The following KLHL6 variants were observed in gnomAD, a reference collection of about 807,000 sequenced individuals.
KLHL6 encodes the protein kelch like family member 6.
In KLHL6, 41 loss-of-function variants were observed where a neutral mutation model predicts 58.6. The ratio of observed to expected loss-of-function variants is 0.70; its 90% CI spans 0.55 to 0.91. KLHL6 has a LOEUF of 0.91. Among genes scored for constraint, KLHL6 ranks in the 40% least tolerant of loss-of-function variants. The probability of loss-of-function intolerance (pLI) is 0.00; values close to 1 mark genes in which losing one functional copy is unlikely to be tolerated. For synonymous variants in KLHL6, 338 were observed against 322.7 expected (o/e 1.05, Z -0.51); for missense variants, 714 against 805.6 (o/e 0.89, Z 1.38).
chr3:183,546,137 A>G (rs531144416), intron 1 of KLHL6, among the ~76,000 whole-genome samples: 1 of 152,210 alleles, frequency 6.6e-6, no homozygotes, highest in Non-Finnish European at 1.5e-5. Flanking sequence ...CTACAAGTGT[A>G]TCCAGGGCTC....
At chr3:183,523,564 C>T (rs921758945) in intron 2 of KLHL6, among the ~76,000 whole-genome samples, 7 of 152,164 alleles carry the variant, frequency 4.6e-5, no homozygotes, top group Non-Finnish European at 8.8e-5. Flanking sequence ...TGTTATGTAC[C>T]GTAGGGATCC....
rs538043148 is a variant in KLHL6, at chr3:183,518,633, G to C, written c.459+9212C>G. 1.3e-3 allele frequency among the ~76,000 whole-genome samples: 199 copies of C among 152,278 alleles called. 3 individuals carry two copies. Among genetic ancestry groups the C allele is most frequent in the African/African-American group, 4.6e-3 (191 of 41,548 alleles). ...TACTCAGGGAAGGGGTGATAGAGCA[G>C]GCAAAAGAAGATAATTCTTGGCTTT... On this transcript the variant is annotated intron_variant, in intron 2 of 6. Transcript: ENST00000341319.
chr3:183,496,584 C>T (rs1292636787), intron 4 of KLHL6, among the ~76,000 whole-genome samples: 1 of 152,116 alleles, frequency 6.6e-6, no homozygotes, highest in Non-Finnish European at 1.5e-5. Flanking sequence ...ATGGTTTATC[C>T]ATTTGGTAGA....
At position 183,514,299 on chromosome 3, in the gene KLHL6, A is replaced by G. The variant is rs182258630; in HGVS notation, c.460-5791T>C. ...GGACAGTCCTACCCCCACCCCTTCA[A>G]TCTTCCACAATCTGGCTGTCAGTCA... On this transcript the variant is annotated intron_variant, in intron 2 of 6. Coordinates refer to ENST00000341319, the MANE Select transcript of KLHL6 (RefSeq NM_130446.4). Among the ~76,000 whole-genome samples the G allele has an allele frequency of 2.2e-3, 337 of 152,208 alleles. 1 individual carries two copies. Among genetic ancestry groups the G allele is most frequent in the Non-Finnish European group, 3.1e-3 (211 of 67,992 alleles).
At chr3:183,536,638 T>C (rs1170438037) in intron 1 of KLHL6, among the ~76,000 whole-genome samples, 1 of 152,084 alleles carries the variant, frequency 6.6e-6, no homozygotes, top group East Asian at 1.9e-4. Context: ...ATAAGCAAGA[T>C]GAAGTACACC....
intron 1 of KLHL6, among the ~76,000 whole-genome samples, chr3:183,536,970 G>A (rs1449977589): frequency 6.6e-6 from 1 of 152,118 alleles, no homozygotes; most frequent in Non-Finnish European, 1.5e-5. Flanking sequence ...TTCTCTCCAG[G>A]GGTCTTTTTA....
At chr3:183,502,322 G>A (rs781492435) in intron 3 of KLHL6, among the ~76,000 whole-genome samples, 6 of 150,902 alleles carry the variant, frequency 4.0e-5, no homozygotes, top group Non-Finnish European at 7.4e-5. Flanking sequence ...AAAAATGAGT[G>A]AATGGATGAG....
At chr3:183,495,342 G>A (rs1257218356) in intron 4 of KLHL6, among the ~76,000 whole-genome samples, 4 of 151,620 alleles carry the variant, frequency 2.6e-5, no homozygotes, top group African/African-American at 4.8e-5. Context: ...GAAGTCTGAC[G>A]GAAAAAAACT....
rs1000336731 is a variant in KLHL6, at chr3:183,488,988, T to A, written c.*2939A>T. ...GTTGTAAAAAATCATAAAGAGTGTT[T>A]CCATGATTCATTTAGGTATTCTGAA... On this transcript the variant is annotated 3_prime_UTR_variant, in exon 7 of 7. Transcript: ENST00000341319. 11 of 152,216 alleles carry A rather than the reference T, an allele frequency of 7.2e-5. No individual in the cohort carries two copies. Among genetic ancestry groups the A allele is most frequent in the African/African-American group, 2.4e-4 (10 of 41,442 alleles). 9.4% of individuals were successfully genotyped at this position (152,216 alleles called of 1,614,324 possible).
chr3:183,520,297 A>T (rs1212843039), intron 2 of KLHL6: 1 of 152,232 alleles, frequency 6.6e-6, no homozygotes, highest in African/African-American at 2.4e-5. Flanking sequence ...AGAAATATAA[A>T]GACAAAAGAG....
At position 183,528,012 on chromosome 3, in the gene KLHL6, T is replaced by C. The variant is rs751434500; in HGVS notation, c.294-2A>G. 5.0e-6 allele frequency: 8 copies of C among 1,614,022 alleles called. No homozygotes were observed. Among genetic ancestry groups the C allele is most frequent in the East Asian group, 2.2e-5 (1 of 44,872 alleles). On this transcript the variant is annotated splice_acceptor_variant, in intron 1 of 6. Coordinates refer to ENST00000341319, the MANE Select transcript of KLHL6 (RefSeq NM_130446.4). LOFTEE classifies it high-confidence loss of function. ...TTTAAATCGTTGCAGAACATGGCCC[T>C]GGAAGAGAAATGTGTGAATGTGAAT...
chr3:183,539,707 T>C (rs1195070684), intron 1 of KLHL6, among the ~76,000 whole-genome samples: 1 of 134,152 alleles, frequency 7.5e-6, no homozygotes, highest in African/African-American at 3.3e-5. Context: ...AGACTCCATC[T>C]CAAAAAAAAA....
At chr3:183,519,895 CAAAAA>C (rs56101517) in intron 2 of KLHL6, among the ~76,000 whole-genome samples, 29 of 83,284 alleles carry the variant, frequency 3.5e-4, no homozygotes, top group African/African-American at 1.3e-3. Context: ...AACCCTGTCT[CAAAAA>C]AAAAAAAAAA....
chr3:183,540,160 G>C lies in KLHL6; in HGVS notation c.294-12150C>G, dbSNP rs371333457. ...GAATAGGAAGAAGCCAATTCAATTGGAGCCAATTCCAGAACTTTCTTTGGA... is the reference window on the plus strand; with the variant it reads ...GAATAGGAAGAAGCCAATTCAATTGCAGCCAATTCCAGAACTTTCTTTGGA... On this transcript the variant is annotated intron_variant, in intron 1 of 6. Coordinates refer to ENST00000341319, the MANE Select transcript of KLHL6 (RefSeq NM_130446.4). Among the ~76,000 whole-genome samples, 9 of 152,154 alleles carry C rather than the reference G, an allele frequency of 5.9e-5. No individual in the cohort carries two copies. The East Asian group carries it at 7.7e-4, about 13-fold the overall frequency.
chr3:183,501,727 T>C (rs1717871564), intron 3 of KLHL6, among the ~76,000 whole-genome samples: 1 of 152,138 alleles, frequency 6.6e-6, no homozygotes, highest in Admixed American at 6.6e-5. Flanking sequence ...AATATTCTAT[T>C]CTCAATTTCC....
At chr3:183,532,761 T>C (rs951325282) in intron 1 of KLHL6, among the ~76,000 whole-genome samples, 1 of 152,172 alleles carries the variant, frequency 6.6e-6, no homozygotes, top group Non-Finnish European at 1.5e-5. Context: ...TGGATCCTGC[T>C]TGTGGAGGGC....
intron 2 of KLHL6, among the ~76,000 whole-genome samples, chr3:183,527,622 A>G (rs1444782685): frequency 1.3e-5 from 2 of 152,122 alleles, no homozygotes; most frequent in Non-Finnish European, 2.9e-5. Flanking sequence ...TCAATGCCCT[A>G]TCTCACTCCC....
In KLHL6 at chr3:183,508,049, T is replaced by C. The variant is rs1453577856; in HGVS notation, c.909+10A>G. On this transcript the variant is annotated intron_variant, in intron 3 of 6. Transcript: ENST00000341319. ...CTGGTTAAATATAGCACCTCTTATC[T>C]TCTACTCACCTCATTGCCAGAAAGG... 1 of 1,610,908 alleles carries C rather than the reference T, an allele frequency of 6.2e-7. No individual in the cohort carries two copies. Among genetic ancestry groups the C allele is most frequent in the Non-Finnish European group, 8.5e-7 (1 of 1,177,624 alleles).
chr3:183,506,721 G>C (rs1301350426), intron 3 of KLHL6, among the ~76,000 whole-genome samples: 1 of 151,952 alleles, frequency 6.6e-6, no homozygotes, highest in East Asian at 1.9e-4. Flanking sequence ...CCAGCTACTT[G>C]GATGGCTGAG....
Sources: gnomAD v4.1 joint callset for allele counts (sites outside exome capture counted in the v4.1 genomes callset) on GRCh38, gnomAD v4.1.1 for gene constraint, MANE v1.5 for transcripts, NCBI Gene and HGNC (gene_info 2026-07-23, HGNC 2026-07-21) for gene names.